Variants in CLCN6 observed in about 807,000 individuals in gnomAD.
CLCN6 encodes the protein H(+)/Cl(-) exchange transporter 6.
In CLCN6, 70 loss-of-function variants were observed where a neutral mutation model predicts 109.8. That is an observed-to-expected ratio of 0.64 (90% CI 0.53 to 0.78). The LOEUF (loss-of-function observed/expected upper bound fraction) is 0.78, where lower values mean the gene tolerates loss of function less well. CLCN6 is among the 30% of genes least tolerant of loss of function. The pLI, the probability that CLCN6 is intolerant of heterozygous loss-of-function variation, is 0.00. For missense variants in CLCN6, 984 were observed against 1,142.3 expected (o/e 0.86, Z 2.00); for synonymous variants, 444 against 447.8 (o/e 0.99, Z 0.11).
intron 13 of CLCN6, among the ~76,000 whole-genome samples, chr1:11,830,764 T>TATATATAC (rs1202765592): frequency 1.1e-4 from 13 of 115,606 alleles, no homozygotes; most frequent in South Asian, 8.2e-4. Flanking sequence ...TATATATATA[T>TATATATAC]ACACACACAC....
chr1:11,823,083 G>T (rs1372639670), intron 6 of CLCN6, among the ~76,000 whole-genome samples: 1 of 152,194 alleles, frequency 6.6e-6, no homozygotes, highest in Admixed American at 6.5e-5. Flanking sequence ...CTACCTGGGT[G>T]ACAGGATCAT....
intron 12 of CLCN6, 113 bp from the exon 13 acceptor site, chr1:11,829,083 C>T: frequency 8.2e-7 from 1 of 1,218,720 alleles, no homozygotes; most frequent in East Asian, 2.3e-5. Flanking sequence ...CCAGGGGCTG[C>T]TGTGAATGCT....
At chr1:11,837,272 G>A (rs1245019769) in intron 19 of CLCN6, 71 bp from the exon 20 acceptor site, 6 of 1,586,282 alleles carry the variant, frequency 3.8e-6, no homozygotes, top group Admixed American at 1.7e-5. Flanking sequence ...GATGGGGAGC[G>A]GGCTGGGAAC....
At chr1:11,820,287 T>TA in intron 5 of CLCN6, 15 of 685,910 alleles carry the variant, frequency 2.2e-5, no homozygotes, top group East Asian at 2.7e-5. Flanking sequence ...GACCCTGTCT[T>TA]AAAAAAAATG....
chr1:11,815,362 T>C (rs150784935), intron 2 of CLCN6, among the ~76,000 whole-genome samples: 122 of 152,336 alleles, frequency 8.0e-4, no homozygotes, highest in African/African-American at 2.8e-3. Context: ...CATCTGGGGC[T>C]GCAGGGCTGC....
chr1:11,819,399 A>C, intron 4 of CLCN6, 89 bp from the exon 5 acceptor site: 2 of 1,143,620 alleles, frequency 1.7e-6, no homozygotes, highest in Non-Finnish European at 1.3e-6. Context: ...GCAGTGGGGG[A>C]GGAGATGCCT....
At chr1:11,827,316 T>G (rs1570531451) in intron 10 of CLCN6, 95 bp downstream of exon 10, 5 of 1,219,492 alleles carry the variant, frequency 4.1e-6, no homozygotes, top group East Asian at 2.6e-5. Context: ...TTGATGAGAC[T>G]GGGGGGTCAA....
At chr1:11,814,569 A>T (rs912275214) in intron 2 of CLCN6, among the ~76,000 whole-genome samples, 1 of 152,078 alleles carries the variant, frequency 6.6e-6, no homozygotes, top group Non-Finnish European at 1.5e-5. Flanking sequence ...TTCTCTAACA[A>T]GACAACTAAA....
intron 18 of CLCN6, 107 bp downstream of exon 18, chr1:11,836,260 A>T: frequency 9.6e-7 from 1 of 1,038,224 alleles, no homozygotes; most frequent in South Asian, 1.6e-5. Context: ...ACCGGCTCTC[A>T]GGGGAAGTTG....
At chr1:11,824,597 G>A (rs1220883409) in intron 8 of CLCN6, 44 bp downstream of exon 8, 24 of 1,555,582 alleles carry the variant, frequency 1.5e-5, no homozygotes, top group Non-Finnish European at 2.1e-5. Flanking sequence ...CAGGCCTAGT[G>A]GGAGGTCTGG....
At chr1:11,808,142 C>G (rs1444275025) in intron 2 of CLCN6, among the ~76,000 whole-genome samples, 2 of 151,998 alleles carry the variant, frequency 1.3e-5, no homozygotes, top group South Asian at 2.1e-4. Context: ...TGATTTAGCT[C>G]AAGCCCAGTC....
At chr1:11,810,095 A>G (rs989289429) in intron 2 of CLCN6, among the ~76,000 whole-genome samples, 6 of 152,206 alleles carry the variant, frequency 3.9e-5, no homozygotes, top group Admixed American at 3.3e-4. Context: ...ATTTTAATGA[A>G]TGGAGTTATA....
rs1644789690 is a variant in CLCN6, at chr1:11,824,685, A to G, written c.648+132A>G. ...GCCATTCTGGCTTCACGTGTAAACC[A>G]TGTGTCTATCTCTCAGGAAAGGGCA... is the stretch of plus-strand genomic sequence containing the variant. On this transcript the variant is annotated intron_variant, in intron 8 of 22. Coordinates refer to ENST00000346436, the MANE Select transcript of CLCN6 (RefSeq NM_001286.5). The G allele has an allele frequency of 3.5e-5, 20 of 577,496 alleles. No homozygotes were observed. In the South Asian group the frequency reaches 6.4e-4, roughly 19 times the overall value. The allele number at this position is 577,496 out of a possible 1,614,324, so 35.8% of individuals were successfully genotyped here. A position where few individuals can be genotyped will look rare whatever the true frequency, so the allele number is the denominator to read the frequency against.
intron 20 of CLCN6, among the ~76,000 whole-genome samples, chr1:11,837,971 G>T (rs183466779): frequency 6.6e-6 from 1 of 152,190 alleles, no homozygotes; most frequent in Non-Finnish European, 1.5e-5. Context: ...CAGAAAGGTC[G>T]CATTCATAGG....
chr1:11,806,979 C>T lies in CLCN6; in HGVS notation c.88-152C>T, dbSNP rs45558742. On this transcript the variant is annotated intron_variant, in intron 1 of 22. Transcript: ENST00000346436. ...CTGTAGATCCTCACCCACATGGTCC[C>T]TCACCCCTGAAAGGTTTTTTTTGAG... is the stretch of plus-strand genomic sequence containing the variant. 254 of 656,394 alleles carry T rather than the reference C, an allele frequency of 3.9e-4. 4 individuals carry two copies. The African/African-American group carries it at 4.0e-3, about 10-fold the overall frequency. 40.7% of individuals were successfully genotyped at this position (656,394 alleles called of 1,614,324 possible). A position where few individuals can be genotyped will look rare whatever the true frequency, so the allele number is the denominator to read the frequency against.
chr1:11,813,935 C>T (rs1019123970), intron 2 of CLCN6, among the ~76,000 whole-genome samples: 6 of 152,080 alleles, frequency 3.9e-5, no homozygotes, highest in Admixed American at 1.3e-4. Flanking sequence ...GGAGATTTTC[C>T]ATATCTTTCT....
intron 12 of CLCN6, 61 bp from the exon 13 acceptor site, chr1:11,829,135 T>G: frequency 6.3e-7 from 1 of 1,594,056 alleles, no homozygotes; most frequent in African/African-American, 1.3e-5. Context: ...GGTTATGTTT[T>G]GAATTTCTGA....
rs147364570 is a variant in CLCN6 at position 11,835,972 on chromosome 1, G to A, written c.1799G>A (p.Arg600Lys). The A allele has an allele frequency of 6.2e-7, 1 of 1,613,074 alleles. No homozygotes were observed. The highest frequency in any genetic ancestry group is 8.5e-7 in the Non-Finnish European group (1 of 1,179,592). ...GACTTGCCCTCCTCCCCCAGGCTGA[G>A]AGCCAGCGACATCATGGAGCCCAAC... ...WETEVEMDKL[R>K]ASDIMEPNLT... Residue 600 changes from arginine to lysine, a missense_variant, in exon 18 of 23, where the codon AGA becomes AAA. Physicochemically the swap from Arg to Lys is conservative, Grantham distance 26. Coordinates refer to ENST00000346436, the MANE Select transcript of CLCN6 (RefSeq NM_001286.5).
In CLCN6 at chr1:11,830,502, A is replaced by G. The variant is rs530646639; in HGVS notation, c.1248+1180A>G. On this transcript the variant is annotated intron_variant, in intron 13 of 22. Coordinates refer to ENST00000346436, the MANE Select transcript of CLCN6 (RefSeq NM_001286.5). ...AATAATCTAGAGATGATTTAAAAGT[A>G]TATAGGAGGACCTACATAGGTTATA... 6.1e-4 allele frequency among the ~76,000 whole-genome samples: 93 copies of G among 152,258 alleles called. 1 individual carries two copies. The highest frequency in any genetic ancestry group is 2.2e-3 in the African/African-American group (91 of 41,536).
Sources: allele counts gnomAD v4.1 joint callset (sites outside exome capture counted in the v4.1 genomes callset), GRCh38; gene constraint gnomAD v4.1.1; transcripts MANE v1.5; gene names NCBI Gene and HGNC (gene_info 2026-07-23, HGNC 2026-07-21).